The following TAFA2 variants were observed in gnomAD, a reference collection of about 807,000 sequenced individuals.
TAFA2 encodes the protein chemokine-like protein TAFA-2.
Under a neutral mutation model 18.8 loss-of-function variants are expected in TAFA2, and 7 were observed. The ratio of observed to expected loss-of-function variants is 0.37; its 90% CI spans 0.21 to 0.70. The LOEUF (loss-of-function observed/expected upper bound fraction) is 0.70, where lower values mean the gene tolerates loss of function less well. Among genes scored for constraint, TAFA2 ranks in the 30% least tolerant of loss-of-function variants. TAFA2 has a pLI of 0.53. For synonymous variants in TAFA2, 60 were observed against 54.2 expected (o/e 1.11, Z -0.47); for missense variants, 122 against 158.1 (o/e 0.77, Z 1.23).
At chr12:62,167,454 A>G (rs2062448419) in intron 1 of TAFA2, among the ~76,000 whole-genome samples, 1 of 152,152 alleles carries the variant, frequency 6.6e-6, no homozygotes. Flanking sequence ...TCATTCGGAG[A>G]CTGTTGTATG....
chr12:62,174,107 C>T (rs1382066921), intron 1 of TAFA2, among the ~76,000 whole-genome samples: 1 of 152,154 alleles, frequency 6.6e-6, no homozygotes, highest in Non-Finnish European at 1.5e-5. Flanking sequence ...GACTGGCCAA[C>T]ACAGTGAAAC....
At chr12:62,154,744 A>G (rs890853189) in intron 1 of TAFA2, among the ~76,000 whole-genome samples, 11 of 152,202 alleles carry the variant, frequency 7.2e-5, no homozygotes, top group Non-Finnish European at 1.0e-4. Context: ...TACCTAATAT[A>G]TGTTAGCTCA....
At chr12:61,940,211 G>A (rs1877942000) in intron 1 of TAFA2, among the ~76,000 whole-genome samples, 1 of 152,202 alleles carries the variant, frequency 6.6e-6, no homozygotes, top group African/African-American at 2.4e-5. Flanking sequence ...TGTAATGTGT[G>A]CAATTGCATA....
chr12:61,720,040 T>C (rs1869829646), intron 4 of TAFA2, among the ~76,000 whole-genome samples: 1 of 152,144 alleles, frequency 6.6e-6, no homozygotes, highest in Non-Finnish European at 1.5e-5. Flanking sequence ...CTTTTGCTTT[T>C]TTTTTTCTTT....
chr12:61,873,368 G>A (rs1363114975), intron 1 of TAFA2, among the ~76,000 whole-genome samples: 1 of 151,824 alleles, frequency 6.6e-6, no homozygotes, highest in African/African-American at 2.4e-5. Flanking sequence ...AGTTACATAT[G>A]TATACATGTG....
chr12:61,871,544 CAT>C (rs1383570624), intron 1 of TAFA2, among the ~76,000 whole-genome samples: 2 of 152,140 alleles, frequency 1.3e-5, no homozygotes, highest in African/African-American at 4.8e-5. Context: ...GGAAAATACA[CAT>C]AGAGGAGGAA....
chr12:61,730,185 G>T (rs972050404), intron 4 of TAFA2, among the ~76,000 whole-genome samples: 1 of 152,072 alleles, frequency 6.6e-6, no homozygotes, highest in Non-Finnish European at 1.5e-5. Flanking sequence ...TAGTGCACTG[G>T]TTTTTCTGAA....
At chr12:61,994,004 T>A (rs918377705) in intron 1 of TAFA2, among the ~76,000 whole-genome samples, 1 of 152,178 alleles carries the variant, frequency 6.6e-6, no homozygotes, top group African/African-American at 2.4e-5. Flanking sequence ...CAGATCCTGC[T>A]CTCTACATAC....
chr12:61,888,836 GT>G (rs1280278814), intron 1 of TAFA2, among the ~76,000 whole-genome samples: 8 of 152,154 alleles, frequency 5.3e-5, no homozygotes, highest in Non-Finnish European at 4.4e-5. Context: ...GAATACCTGA[GT>G]TCTGCTCTAG....
At chr12:61,718,259 T>C (rs949953014) in intron 4 of TAFA2, among the ~76,000 whole-genome samples, 1 of 152,222 alleles carries the variant, frequency 6.6e-6, no homozygotes, top group Admixed American at 6.5e-5. Context: ...ATGTGACTCA[T>C]GGAAGTAGAT....
At chr12:61,747,054 A>G (rs892465268) in intron 4 of TAFA2, among the ~76,000 whole-genome samples, 7 of 152,266 alleles carry the variant, frequency 4.6e-5, no homozygotes, top group South Asian at 2.1e-4. Flanking sequence ...AAAAGTGGGC[A>G]AAGGATATGA....
chr12:61,986,158 CTTTTTTTTTTT>C (rs551223452), intron 1 of TAFA2, among the ~76,000 whole-genome samples: 16 of 65,862 alleles, frequency 2.4e-4, no homozygotes, highest in Admixed American at 5.5e-4. Flanking sequence ...CTAAGCTCTT[CTTTTTTTTTTT>C]TTTTTTTTTT....
chr12:62,059,900 T>C (rs1292572167), intron 1 of TAFA2, among the ~76,000 whole-genome samples: 4 of 152,222 alleles, frequency 2.6e-5, no homozygotes, highest in African/African-American at 9.6e-5. Context: ...TATTTCTTCC[T>C]ACTATATTAA....
At chr12:62,043,119 G>A (rs1342220410) in intron 1 of TAFA2, among the ~76,000 whole-genome samples, 2 of 152,038 alleles carry the variant, frequency 1.3e-5, no homozygotes, top group Non-Finnish European at 2.9e-5. Flanking sequence ...ATATTTTAAT[G>A]TATGTATTAA....
intron 1 of TAFA2, among the ~76,000 whole-genome samples, chr12:62,153,619 A>G (rs527581437): frequency 1.3e-5 from 2 of 152,174 alleles, no homozygotes; most frequent in African/African-American, 2.4e-5. Flanking sequence ...ACAGTCAGCT[A>G]TGATTGAACC....
chr12:62,197,742 T>C (rs1446055145), upstream of TAFA2, among the ~76,000 whole-genome samples: 2 of 152,228 alleles, frequency 1.3e-5, no homozygotes, highest in African/African-American at 4.8e-5. Flanking sequence ...ATTGGAATAA[T>C]TATTTTCAGA....
chr12:61,854,573 G>A (rs1004324687), intron 2 of TAFA2, among the ~76,000 whole-genome samples: 2 of 151,726 alleles, frequency 1.3e-5, no homozygotes, highest in African/African-American at 4.8e-5. Flanking sequence ...GAGTCAAGCA[G>A]AAAAGAGAGG....
chr12:62,052,140 T>C (rs1021027088), intron 1 of TAFA2, among the ~76,000 whole-genome samples: 6 of 152,056 alleles, frequency 3.9e-5, no homozygotes, highest in Non-Finnish European at 7.4e-5. Context: ...CATTTACCAA[T>C]GTCTCTTCTC....
chr12:62,169,865 A>AAG (rs1390712738), intron 1 of TAFA2, among the ~76,000 whole-genome samples: 2 of 151,818 alleles, frequency 1.3e-5, no homozygotes, highest in Non-Finnish European at 2.9e-5. Context: ...AAAAAAAAAA[A>AAG]AAAAGAAATG....
Sources: gnomAD v4.1 joint callset for allele counts (sites outside exome capture counted in the v4.1 genomes callset) on GRCh38, gnomAD v4.1.1 for gene constraint, MANE v1.5 for transcripts, NCBI Gene and HGNC (gene_info 2026-07-23, HGNC 2026-07-21) for gene names.